Variants in LYRM4 observed in about 807,000 individuals in gnomAD.
LYRM4 encodes the protein LYR motif-containing protein 4.
Under a neutral mutation model 11.7 loss-of-function variants are expected in LYRM4, and 9 were observed. That is an observed-to-expected ratio of 0.77 (90% CI 0.46 to 1.34). The LOEUF (loss-of-function observed/expected upper bound fraction) is 1.34. Among genes scored for constraint, LYRM4 ranks in the 40% most tolerant of loss-of-function variants. LYRM4 has a pLI of 0.00. For missense variants in LYRM4, 133 were observed against 112.5 expected (o/e 1.18, Z -0.82); for synonymous variants, 42 against 40.4 (o/e 1.04, Z -0.15).
intron 2 of LYRM4, among the ~76,000 whole-genome samples, chr6:5,113,914 A>G (rs911822917): frequency 7.2e-5 from 11 of 152,206 alleles, no homozygotes; most frequent in Admixed American, 1.3e-4. Context: ...TATAACTATG[A>G]GCCTACGTTA....
chr6:5,165,052 T>G (rs116452410), intron 2 of LYRM4, among the ~76,000 whole-genome samples: 1,827 of 151,970 alleles, frequency 0.012, 35 homozygotes, highest in African/African-American at 0.042. Context: ...AATTGTAAAT[T>G]AAACATTTTA....
chr6:5,113,934 G>A (rs182541487), intron 2 of LYRM4, among the ~76,000 whole-genome samples: 5 of 152,314 alleles, frequency 3.3e-5, no homozygotes, highest in Admixed American at 2.6e-4. Context: ...ATGAAAATTT[G>A]AGATAACCAC....
At chr6:5,245,534 T>A (rs1764158434) in intron 1 of LYRM4, among the ~76,000 whole-genome samples, 2 of 152,086 alleles carry the variant, frequency 1.3e-5, no homozygotes, top group Non-Finnish European at 2.9e-5. Context: ...TTGCATACGG[T>A]GTCTGGAAGA....
At chr6:5,252,231 G>A (rs1056979441) in intron 1 of LYRM4, among the ~76,000 whole-genome samples, 1 of 152,164 alleles carries the variant, frequency 6.6e-6, no homozygotes, top group Non-Finnish European at 1.5e-5. Flanking sequence ...ATGCATGGGT[G>A]CAGGAATTTT....
Position 5,189,004 on chromosome 6 carries a change from G to A in LYRM4, c.207+27614C>T, listed in dbSNP as rs142376927. On this transcript the variant is annotated intron_variant, in intron 2 of 2. Coordinates refer to ENST00000330636, the MANE Select transcript of LYRM4 (RefSeq NM_020408.6). ...TCAAACTCCTGGGCTCAAGCGATCT[G>A]CTTGTCTCAGCCTCCCAAAGTGCTG... Among the ~76,000 whole-genome samples, 4 of 152,272 alleles carry A rather than the reference G, an allele frequency of 2.6e-5. No individual in the cohort carries two copies. In the East Asian group the frequency reaches 7.7e-4, roughly 29 times the overall value.
intron 2 of LYRM4, among the ~76,000 whole-genome samples, chr6:5,117,745 G>A (rs1763188634): frequency 6.6e-6 from 1 of 152,052 alleles, no homozygotes; most frequent in Non-Finnish European, 1.5e-5. Context: ...GTACACAACT[G>A]TAGTCCCAGC....
downstream of LYRM4, chr6:5,102,905 AG>A (rs1374197087): frequency 6.6e-6 from 1 of 152,228 alleles, no homozygotes; most frequent in Non-Finnish European, 1.5e-5. Context: ...TAAAGAATAT[AG>A]TCCATTGACC....
chr6:5,036,411 C>T, the LYRM4 span, among the ~76,000 whole-genome samples: 7 of 152,130 alleles, frequency 4.6e-5, no homozygotes, highest in Non-Finnish European at 1.0e-4. Flanking sequence ...TCACAGGCAA[C>T]CTGGGCGTGG....
chr6:5,164,275 A>G (rs1758938090), intron 2 of LYRM4, among the ~76,000 whole-genome samples: 4 of 152,176 alleles, frequency 2.6e-5, no homozygotes, highest in Admixed American at 2.6e-4. Context: ...GAAAGTTCAC[A>G]TTGGCACTAT....
chr6:5,179,877 G>A (rs1307876490), intron 2 of LYRM4, among the ~76,000 whole-genome samples: 1 of 152,170 alleles, frequency 6.6e-6, no homozygotes, highest in East Asian at 1.9e-4. Context: ...GCCCCATCAT[G>A]CTTACAACAC....
the LYRM4 span, chr6:5,086,726 C>T: frequency 1.6e-6 from 1 of 631,078 alleles, no homozygotes; most frequent in Non-Finnish European, 2.7e-6. Flanking sequence ...ACTCGCACCC[C>T]CGCAGACAAG....
At chr6:5,049,157 T>TGGACCACAGG in the LYRM4 span, among the ~76,000 whole-genome samples, 14 of 152,228 alleles carry the variant, frequency 9.2e-5, no homozygotes, top group East Asian at 2.7e-3. Context: ...AGACCTGGTA[T>TGGACCACAGG]TGGTCAGGAC....
intron 1 of LYRM4, among the ~76,000 whole-genome samples, chr6:5,254,323 T>A (rs1365909323): frequency 2.0e-5 from 3 of 152,210 alleles, no homozygotes; most frequent in African/African-American, 7.2e-5. Flanking sequence ...GGAAAACGCT[T>A]CCTTGACTAG....
chr6:5,256,490 GGAAAAAAAAAAAAAAAAAAAAAAAAA>G (rs1233506119), intron 1 of LYRM4, among the ~76,000 whole-genome samples: 2 of 37,520 alleles, frequency 5.3e-5, no homozygotes, highest in Non-Finnish European at 1.1e-4. Flanking sequence ...GATTTCAACT[GGAAAAAAAAAAAAAAAAAAAAAAAAA>G]AAAAAAAAAA....
At chr6:5,167,235 A>T (rs1018018750) in intron 2 of LYRM4, among the ~76,000 whole-genome samples, 1 of 152,212 alleles carries the variant, frequency 6.6e-6, no homozygotes, top group Non-Finnish European at 1.5e-5. Context: ...TAAAATTTTT[A>T]AAAGCACAGA....
chr6:5,205,961 T>C (rs983194525), intron 2 of LYRM4, among the ~76,000 whole-genome samples: 4 of 152,206 alleles, frequency 2.6e-5, no homozygotes, highest in Admixed American at 2.0e-4. Flanking sequence ...TCCAGGCTTT[T>C]CTCAAACAGG....
chr6:5,096,528 G>A, the LYRM4 span, among the ~76,000 whole-genome samples: 3 of 152,126 alleles, frequency 2.0e-5, no homozygotes, highest in Non-Finnish European at 4.4e-5. Flanking sequence ...ACTGAGAAGT[G>A]TATAAAGCAT....
At chr6:5,221,284 A>G (rs1208595000) in intron 1 of LYRM4, among the ~76,000 whole-genome samples, 1 of 152,242 alleles carries the variant, frequency 6.6e-6, no homozygotes, top group Non-Finnish European at 1.5e-5. Flanking sequence ...TATAGATGCC[A>G]TTGGCTACCA....
chr6:5,135,510 C>T (rs112086274), intron 2 of LYRM4, among the ~76,000 whole-genome samples: 14 of 64,872 alleles, frequency 2.2e-4, no homozygotes, highest in African/African-American at 1.2e-3. Context: ...GGTTCACTCC[C>T]GGGACTGTGG....
Sources: allele counts gnomAD v4.1 joint callset (sites outside exome capture counted in the v4.1 genomes callset), GRCh38; gene constraint gnomAD v4.1.1; transcripts MANE v1.5; gene names NCBI Gene and HGNC (gene_info 2026-07-23, HGNC 2026-07-21).